GRK1: variants seen among roughly 807,000 people sequenced by gnomAD.
GRK1 encodes the protein rhodopsin kinase GRK1.
Under a neutral mutation model 41.7 loss-of-function variants are expected in GRK1, and 28 were observed. That is an observed-to-expected ratio of 0.67 (90% CI 0.50 to 0.92). GRK1 has a LOEUF of 0.92. GRK1 is among the 40% of genes least tolerant of loss of function. The pLI is 0.00. For missense variants in GRK1, 703 were observed against 671.2 expected, an observed-to-expected ratio of 1.05 and a Z score of -0.52; for synonymous variants, 327 against 286.7, an observed-to-expected ratio of 1.14 and a Z score of -1.42.
the GRK1 span, chr13:113,651,568 C>T: frequency 1.5e-6 from 2 of 1,301,422 alleles, no homozygotes; most frequent in Non-Finnish European, 2.0e-6. Context: ...CGACGGCTGA[C>T]ATTCCTGGAG....
Position 113,735,701 on chromosome 13 carries a change from G to C in GRK1, c.*338G>C. On this transcript the variant is annotated 3_prime_UTR_variant, in exon 7 of 7. Coordinates refer to ENST00000335678, the MANE Select transcript of GRK1 (RefSeq NM_002929.3). ...GCATTGGTGATTGACCAACCGTGTGGTCAGGGGCAGAGACTCGGTTTTGGC... is the reference window on the plus strand; with the variant it reads ...GCATTGGTGATTGACCAACCGTGTGCTCAGGGGCAGAGACTCGGTTTTGGC... The C allele has an allele frequency of 4.7e-6, 1 of 212,306 alleles. No homozygotes were observed. Among genetic ancestry groups the C allele is most frequent in the East Asian group, 1.0e-4 (1 of 10,010 alleles). The allele number at this position is 212,306 out of a possible 1,614,324, so 13.2% of individuals were successfully genotyped here. A position where few individuals can be genotyped will look rare whatever the true frequency, so the allele number is the denominator to read the frequency against.
At chr13:113,649,053 G>A in the GRK1 span, 4 of 188,928 alleles carry the variant, frequency 2.1e-5, no homozygotes, top group African/African-American at 9.4e-5. This position sits in a 1 kb window ranked among gnomAD's most constrained non-coding sequence, Gnocchi z 4.7. Context: ...TAGTAAGAAA[G>A]TGATGTCTAC....
chr13:113,655,348 G>T, the GRK1 span, among the ~76,000 whole-genome samples: 1 of 152,216 alleles, frequency 6.6e-6, no homozygotes, highest in South Asian at 2.1e-4. Flanking sequence ...CAGAGAGGTG[G>T]GGTCCTGCCC....
chr13:113,735,213 C>G lies in GRK1; in HGVS notation c.1542C>G (p.Cys514Trp). 8 of 1,537,192 alleles carry G rather than the reference C, an allele frequency of 5.2e-6. No homozygotes were observed. Among genetic ancestry groups the G allele is most frequent in the Non-Finnish European group, 7.0e-6 (8 of 1,146,906 alleles). ...TTCAGGAATTTGCCACTGGCAACTG[C>G]CCCATCCCCTGGCAGGAGGAGATGA... is the stretch of plus-strand genomic sequence containing the variant. The part of the protein sequence containing the change: ...EFFQEFATGN[C>W]PIPWQEEMIE... Residue 514 changes from cysteine to tryptophan, a missense_variant, in exon 7 of 7, where the codon TGC (cysteine) becomes TGG (tryptophan). Physicochemically the swap from Cys to Trp is radical, Grantham distance 215. Coordinates refer to ENST00000335678, the MANE Select transcript of GRK1 (RefSeq NM_002929.3).
At chr13:113,668,171 T>G (rs1205868058) in intron 1 of GRK1, 86 bp downstream of exon 1, 2 of 1,391,690 alleles carry the variant, frequency 1.4e-6, no homozygotes, top group East Asian at 5.0e-5. Context: ...CAGGTCACTG[T>G]CGGCTCCGGG....
At chr13:113,663,010 T>C (rs1029024715), upstream of GRK1, among the ~76,000 whole-genome samples, 18 of 152,208 alleles carry the variant, frequency 1.2e-4, no homozygotes, top group Non-Finnish European at 2.9e-5. Flanking sequence ...ATTTTGAACA[T>C]AGGGTTTTTT....
intron 1 of GRK1, among the ~76,000 whole-genome samples, chr13:113,669,150 A>G (rs548569242): frequency 6.6e-6 from 1 of 152,332 alleles, no homozygotes; most frequent in East Asian, 1.9e-4. Flanking sequence ...ACACCTCCCC[A>G]TGTAAGTGCA....
chr13:113,672,222 T>C (rs1033665384), intron 3 of GRK1, among the ~76,000 whole-genome samples: 5 of 150,118 alleles, frequency 3.3e-5, no homozygotes, highest in Admixed American at 3.3e-4. Flanking sequence ...GGTGTGTGTG[T>C]GGCATATGGT....
chr13:113,726,698 A>G (rs1480817892), intron 4 of GRK1, among the ~76,000 whole-genome samples: 1 of 152,054 alleles, frequency 6.6e-6, no homozygotes, highest in African/African-American at 2.4e-5. Context: ...AACTGACAGG[A>G]GCCTGCGGTC....
At chr13:113,729,185 C>T (rs2049915503) in intron 4 of GRK1, among the ~76,000 whole-genome samples, 1 of 152,142 alleles carries the variant, frequency 6.6e-6, no homozygotes, top group Non-Finnish European at 1.5e-5. Context: ...AGGCACGAAC[C>T]TAGAGTAGGG....
At chr13:113,733,681 ATGTATGTGTGCATACATGTGTG>A (rs2049961487) in intron 6 of GRK1, among the ~76,000 whole-genome samples, 4 of 87,636 alleles carry the variant, frequency 4.6e-5, no homozygotes, top group East Asian at 3.9e-4. Flanking sequence ...ACGTGTGTGC[ATGTATGTGTGCATACATGTGTG>A]CGTGTGTGCG....
At chr13:113,669,901 A>G in intron 2 of GRK1, 87 bp downstream of exon 2, 1 of 1,527,758 alleles carries the variant, frequency 6.5e-7, no homozygotes, top group Non-Finnish European at 8.9e-7. Flanking sequence ...CCACAGGCAG[A>G]GCCATGGTGG....
At chr13:113,670,357 T>A (rs1173536176) in intron 2 of GRK1, among the ~76,000 whole-genome samples, 1 of 152,184 alleles carries the variant, frequency 6.6e-6, no homozygotes, top group East Asian at 1.9e-4. Context: ...GCTTGGTAGC[T>A]GGGCCGCTTA....
intron 2 of GRK1, 118 bp downstream of exon 2, chr13:113,669,932 G>C: frequency 8.0e-7 from 1 of 1,256,336 alleles, no homozygotes; most frequent in Non-Finnish European, 1.1e-6. Flanking sequence ...GCCCTCGAGG[G>C]AAGCCTTGCA....
the GRK1 span, chr13:113,650,579 G>T: frequency 1.6e-6 from 2 of 1,236,550 alleles, no homozygotes; most frequent in Admixed American, 2.0e-5. The surrounding 1 kb of genome is among the most constrained non-coding windows in gnomAD (Gnocchi z 5.0). Flanking sequence ...TTGCGTTTGT[G>T]TGCGTGTGTG....
chr13:113,656,961 C>A, the GRK1 span, among the ~76,000 whole-genome samples: 4 of 152,282 alleles, frequency 2.6e-5, no homozygotes, highest in African/African-American at 9.6e-5. Context: ...GCCCAGGAGG[C>A]CCTTCTGCCC....
chr13:113,650,015 T>C, the GRK1 span, among the ~76,000 whole-genome samples: 1 of 151,962 alleles, frequency 6.6e-6, no homozygotes, highest in Non-Finnish European at 1.5e-5. This position sits in a 1 kb window ranked among gnomAD's most constrained non-coding sequence, Gnocchi z 5.0. Flanking sequence ...ATACGAAAAT[T>C]AGCTGGGCAT....
intron 1 of GRK1, 123 bp downstream of exon 1, chr13:113,668,208 G>C (rs1811554367): frequency 4.7e-6 from 5 of 1,059,704 alleles, no homozygotes; most frequent in Non-Finnish European, 6.7e-6. Context: ...GCCTAAGGGA[G>C]CATGCATGCC....
rs1464550691 is a variant in GRK1, at chr13:113,667,982, G to C, written c.596G>C (p.Gly199Ala). ...WFLDFRVLGKGGFGEVSACQM... is the reference protein window; with the variant it reads ...WFLDFRVLGKAGFGEVSACQM... ...CTGGACTTCAGGGTCCTAGGGAAAG[G>C]GGGCTTCGGGGAGGTGTCGGCCTGC... is the stretch of plus-strand genomic sequence containing the variant. Residue 199 changes from glycine to alanine, a missense_variant, in exon 1 of 7, where the codon GGG (glycine) becomes GCG (alanine). Coordinates refer to ENST00000335678, the MANE Select transcript of GRK1 (RefSeq NM_002929.3). This position sits in a 1 kb window ranked among gnomAD's most constrained non-coding sequence, Gnocchi z 7.5. 1 of 1,611,114 alleles carries C rather than the reference G, an allele frequency of 6.2e-7. No individual in the cohort carries two copies. Among genetic ancestry groups the C allele is most frequent in the South Asian group, 1.1e-5 (1 of 90,616 alleles).
Sources: gnomAD v4.1 joint callset for allele counts (sites outside exome capture counted in the v4.1 genomes callset) on GRCh38, gnomAD v4.1.1 for gene constraint, Gnocchi (gnomAD v3.1) non-coding constraint, MANE v1.5 for transcripts, NCBI Gene and HGNC (gene_info 2026-07-23, HGNC 2026-07-21) for gene names.